SMAP1: variants seen among roughly 807,000 people sequenced by gnomAD.
The protein encoded by SMAP1 is small ArfGAP 1.
In SMAP1, 24 loss-of-function variants were observed where a neutral mutation model predicts 58.5. The ratio of observed to expected loss-of-function variants is 0.41; its 90% CI spans 0.30 to 0.58. The LOEUF (loss-of-function observed/expected upper bound fraction) is 0.58. SMAP1 is among the 20% of genes least tolerant of loss of function. The probability of loss-of-function intolerance (pLI) is 0.29; values close to 1 mark genes in which losing one functional copy is unlikely to be tolerated. For missense variants in SMAP1, 563 were observed against 566.3 expected, an observed-to-expected ratio of 0.99 and a Z score of 0.06; for synonymous variants, 216 against 196.6, an observed-to-expected ratio of 1.10 and a Z score of -0.82.
intron 3 of SMAP1, among the ~76,000 whole-genome samples, chr6:70,756,111 A>C (rs929126229): frequency 3.9e-5 from 6 of 152,194 alleles, no homozygotes; most frequent in African/African-American, 1.4e-4. Context: ...TATAACTCAT[A>C]GTTTAAAAAA....
chr6:70,823,566 A>T (rs960893223), intron 6 of SMAP1, among the ~76,000 whole-genome samples: 2 of 152,182 alleles, frequency 1.3e-5, no homozygotes, highest in Admixed American at 6.5e-5. Flanking sequence ...CATTGGTTCT[A>T]GGACCCCCTG....
In SMAP1 at chr6:70,732,394, C is replaced by G; in HGVS notation, c.135C>G (p.Ser45=). The stretch of plus-strand genomic sequence containing the variant: ...CTAAATTAGGTCCTCGATGGGCTTC[C>G]TGGAATATTGGTGTGTTTATTTGCA... ...DCEAKGPRWA[S]WNIGVFICIR... Residue 45 remains serine (S), a synonymous_variant, in exon 2 of 11, where the codon TCC becomes TCG. Transcript: ENST00000370455. 1 of 1,605,262 alleles carries G rather than the reference C, an allele frequency of 6.2e-7. No homozygotes were observed. The highest frequency in any genetic ancestry group is 8.5e-7 in the Non-Finnish European group (1 of 1,176,110).
intron 4 of SMAP1, among the ~76,000 whole-genome samples, chr6:70,781,968 A>G (rs1306297910): frequency 2.0e-5 from 3 of 152,078 alleles, no homozygotes; most frequent in African/African-American, 7.2e-5. Flanking sequence ...GGACTGTTAA[A>G]CTCATTTTAT....
intron 3 of SMAP1, among the ~76,000 whole-genome samples, chr6:70,769,225 C>T (rs1449469514): frequency 6.6e-6 from 1 of 152,142 alleles, no homozygotes; most frequent in Non-Finnish European, 1.5e-5. Flanking sequence ...AATGTATATT[C>T]TGTTGATCTG....
At chr6:70,733,928 AGAATT>A (rs1178729034) in intron 2 of SMAP1, among the ~76,000 whole-genome samples, 2 of 152,178 alleles carry the variant, frequency 1.3e-5, no homozygotes, top group Non-Finnish European at 2.9e-5. Flanking sequence ...AGCTTAGAGT[AGAATT>A]TTGTAATCAG....
intron 7 of SMAP1, 26 bp from the exon 8 acceptor site, chr6:70,852,514 A>G (rs754795951): frequency 6.7e-7 from 1 of 1,495,348 alleles, no homozygotes; most frequent in Non-Finnish European, 8.9e-7. Flanking sequence ...ATTCTACGTT[A>G]AGACGAGAAT....
rs1228917228 is a variant in SMAP1, at chr6:70,773,417, A to G, written c.406A>G (p.Ile136Val). ...ATACTACGATAAAAATGCCATAGCT[A>G]TTACAAATGTAAGTAAAACCTTCAT... is the stretch of plus-strand genomic sequence containing the variant. ...KKYYDKNAIA[I>V]TNISSSDAPL... is the part of the protein sequence containing the mutation. The change falls in exon 4 of 11, where the codon ATT (isoleucine) becomes GTT (valine). Residue 136 changes from isoleucine (I) to valine (V), a missense_variant. Transcript: ENST00000370455. 10 of 1,547,672 alleles carry G rather than the reference A, an allele frequency of 6.5e-6. No homozygotes were observed. Among genetic ancestry groups the G allele is most frequent in the East Asian group, 2.3e-5 (1 of 44,290 alleles).
intron 2 of SMAP1, among the ~76,000 whole-genome samples, chr6:70,749,294 C>G (rs1456404817): frequency 6.6e-6 from 1 of 152,082 alleles, no homozygotes; most frequent in Non-Finnish European, 1.5e-5. Flanking sequence ...CAATCACCTC[C>G]CACCAAGTCC....
chr6:70,808,941 TAC>T (rs1769269572), intron 6 of SMAP1, among the ~76,000 whole-genome samples: 1 of 144,750 alleles, frequency 6.9e-6, no homozygotes, highest in South Asian at 2.2e-4. Context: ...TGTGTGTGTG[TAC>T]ACACTTACTG....
chr6:70,745,353 A>G (rs1298499454), intron 2 of SMAP1, among the ~76,000 whole-genome samples: 2 of 152,200 alleles, frequency 1.3e-5, no homozygotes, highest in African/African-American at 4.8e-5. Context: ...TTTTTGTATA[A>G]GGTATAAGGA....
At chr6:70,752,349 A>C (rs1162222097) in intron 2 of SMAP1, among the ~76,000 whole-genome samples, 3 of 152,162 alleles carry the variant, frequency 2.0e-5, no homozygotes, top group Non-Finnish European at 4.4e-5. Flanking sequence ...TTGATGGGTG[A>C]TGTTGGTTCT....
intron 4 of SMAP1, among the ~76,000 whole-genome samples, chr6:70,777,239 G>T (rs1767582895): frequency 6.6e-6 from 1 of 152,026 alleles, no homozygotes. Flanking sequence ...GCACTCCCTA[G>T]TGAGATGAAC....
intron 3 of SMAP1, among the ~76,000 whole-genome samples, chr6:70,767,081 G>C (rs1212417489): frequency 3.9e-5 from 6 of 151,984 alleles, no homozygotes; most frequent in Non-Finnish European, 4.4e-5. Context: ...ATTTCTGAGG[G>C]CTCTGTTCTG....
intron 4 of SMAP1, among the ~76,000 whole-genome samples, chr6:70,788,227 A>C (rs1756107540): frequency 6.8e-6 from 1 of 146,838 alleles, no homozygotes; most frequent in South Asian, 2.2e-4. Flanking sequence ...ACATGTTCTC[A>C]CTCATAGGTG....
chr6:70,712,182 G>C (rs1186499161), intron 1 of SMAP1, among the ~76,000 whole-genome samples: 2 of 152,148 alleles, frequency 1.3e-5, no homozygotes, highest in Non-Finnish European at 2.9e-5. Flanking sequence ...TTCATTTATT[G>C]AGATGATCAT....
intron 1 of SMAP1, among the ~76,000 whole-genome samples, chr6:70,727,293 G>T (rs550025303): frequency 2.6e-5 from 4 of 152,128 alleles, no homozygotes; most frequent in Non-Finnish European, 5.9e-5. Flanking sequence ...GTTTTTAGTA[G>T]AGATGGAGTT....
intron 7 of SMAP1, among the ~76,000 whole-genome samples, chr6:70,842,814 G>T (rs1770851451): frequency 6.6e-6 from 1 of 152,112 alleles, no homozygotes; most frequent in South Asian, 2.1e-4. Context: ...CTGGAGGCTT[G>T]TCACCTTATG....
At chr6:70,821,874 G>T (rs1454444581) in intron 6 of SMAP1, among the ~76,000 whole-genome samples, 1 of 152,082 alleles carries the variant, frequency 6.6e-6, no homozygotes, top group Non-Finnish European at 1.5e-5. Context: ...CATATTTTAG[G>T]TTCTATTACA....
At chr6:70,779,202 A>T (rs966317366) in intron 4 of SMAP1, among the ~76,000 whole-genome samples, 3 of 151,964 alleles carry the variant, frequency 2.0e-5, no homozygotes, top group Admixed American at 6.6e-5. Context: ...CTTCTGCAGG[A>T]CTCAGGTGCC....
Sources: allele counts gnomAD v4.1 joint callset (sites outside exome capture counted in the v4.1 genomes callset), GRCh38; gene constraint gnomAD v4.1.1; transcripts MANE v1.5; gene names NCBI Gene and HGNC (gene_info 2026-07-23, HGNC 2026-07-21).